The following MARS1 variants were observed in gnomAD, a reference collection of about 807,000 sequenced individuals.
The protein encoded by MARS1 is methionyl-tRNA synthetase 1.
Under a neutral mutation model 119.5 loss-of-function variants are expected in MARS1, and 80 were observed. That is an observed-to-expected ratio of 0.67 (90% CI 0.56 to 0.81). The LOEUF (loss-of-function observed/expected upper bound fraction) is 0.81. Ranked by LOEUF, MARS1 falls within the 30% of genes least tolerant of loss-of-function variation. The pLI is 0.00. For missense variants in MARS1, 945 were observed against 1,116.5 expected (o/e 0.85, Z 2.19); for synonymous variants, 418 against 433.4 (o/e 0.96, Z 0.44).
At position 57,514,863 on chromosome 12, in the gene MARS1, A is replaced by T. The variant is rs1877705124; in HGVS notation, c.2099+12A>T. ...CTTGAGAAGGTTCGGTAAGTAACTG[A>T]CACCTCTGTCTTTTCTGCTGGCATG... is the stretch of plus-strand genomic sequence containing the variant. On this transcript the variant is annotated intron_variant, in intron 16 of 20. Coordinates refer to ENST00000262027, the MANE Select transcript of MARS1 (RefSeq NM_004990.4). 1 of 1,613,408 alleles carries T rather than the reference A, an allele frequency of 6.2e-7. No homozygotes were observed. Among genetic ancestry groups the T allele is most frequent in the Admixed American group, 1.7e-5 (1 of 59,972 alleles).
At position 57,490,258 on chromosome 12, in the gene MARS1, C is replaced by A; in HGVS notation, c.542C>A (p.Pro181Gln). The A allele has an allele frequency of 6.2e-7, 1 of 1,613,820 alleles. No homozygotes were observed. Among genetic ancestry groups the A allele is most frequent in the Non-Finnish European group, 8.5e-7 (1 of 1,180,034 alleles). Residue 181 changes from proline to glutamine, a missense_variant, in exon 6 of 21, where the codon CCA becomes CAA. Physicochemically the swap from Pro to Gln is moderately conservative, Grantham distance 76. Coordinates refer to ENST00000262027, the MANE Select transcript of MARS1 (RefSeq NM_004990.4). The stretch of plus-strand genomic sequence containing the variant: ...TTCCAGACACTGAGTACCCAGGAAC[C>A]ATGTCAGCGAGCTGCAGAGACTGTA... Reference protein sequence around the residue: ...SWFQTLSTQEPCQRAAETVLK... With the variant: ...SWFQTLSTQEQCQRAAETVLK...
rs759133961 is a variant in MARS1 at position 57,512,871 on chromosome 12, G to A, written c.1874G>A (p.Arg625Gln). 2 of 1,614,208 alleles carry A rather than the reference G, an allele frequency of 1.2e-6. No individual in the cohort carries two copies. Among genetic ancestry groups the A allele is most frequent in the Non-Finnish European group, 1.7e-6 (2 of 1,180,034 alleles). The change falls in exon 15 of 21, where the codon CGG (arginine) becomes CAG (glutamine). Residue 625 changes from arginine to glutamine, a missense_variant. Arg to Gln is a conservative substitution (Grantham distance 43). Transcript: ENST00000262027. ...DIWRFYLLYIRPEGQDSAFSW... is the reference protein window; with the variant it reads ...DIWRFYLLYIQPEGQDSAFSW... ...TGGCGCTTCTATCTGCTGTACATTCGGCCTGAGGGCCAGGACAGTGCTTTC... is the reference window on the plus strand; with the variant it reads ...TGGCGCTTCTATCTGCTGTACATTCAGCCTGAGGGCCAGGACAGTGCTTTC...
intron 7 of MARS1, among the ~76,000 whole-genome samples, chr12:57,496,216 G>A (rs1477100454): frequency 6.8e-6 from 1 of 147,344 alleles, no homozygotes; most frequent in African/African-American, 2.5e-5. Context: ...CTAGGATGGA[G>A]TGAGTGGCGC....
chr12:57,495,333 C>A (rs1238223908), intron 7 of MARS1, among the ~76,000 whole-genome samples: 1 of 151,426 alleles, frequency 6.6e-6, no homozygotes, highest in African/African-American at 2.4e-5. Context: ...GGGTGGCGGT[C>A]GGGCAGAGAC....
intron 7 of MARS1, among the ~76,000 whole-genome samples, chr12:57,494,402 A>G (rs1366103513): frequency 7.4e-6 from 1 of 135,492 alleles, no homozygotes; most frequent in Non-Finnish European, 1.5e-5. Flanking sequence ...ATCTTGGCTC[A>G]CTGCAACCTC....
chr12:57,512,035 A>G lies in MARS1; in HGVS notation c.1567A>G (p.Ile523Val), dbSNP rs759198038. The G allele has an allele frequency of 1.3e-5, 21 of 1,614,072 alleles. No individual in the cohort carries two copies. The African/African-American group carries it at 2.1e-4, about 16-fold the overall frequency. Reference protein sequence around the residue: ...KVFYVWFDATIGYLSITANYT... With the variant: ...KVFYVWFDATVGYLSITANYT... ...ATTCTATGTCTGGTTTGATGCCACTATTGGCTATCTGTCCATCACAGCCAA... is the reference window on the plus strand; with the variant it reads ...ATTCTATGTCTGGTTTGATGCCACTGTTGGCTATCTGTCCATCACAGCCAA... Residue 523 changes from isoleucine to valine, a missense_variant, in exon 13 of 21, where the codon ATT becomes GTT. By Grantham distance (29) the Ile-to-Val change is conservative (BLOSUM62 3). Transcript: ENST00000262027.
intron 11 of MARS1, among the ~76,000 whole-genome samples, chr12:57,509,875 C>T (rs1054169912): frequency 6.6e-6 from 1 of 152,164 alleles, no homozygotes; most frequent in Non-Finnish European, 1.5e-5. Flanking sequence ...TAGCTCAATC[C>T]TACAATATAC....
In MARS1 at chr12:57,515,235, A is replaced by G. The variant is rs773571063; in HGVS notation, c.2290A>G (p.Ser764Gly). ...GCTTCAGCCTTACATGCCCACGGTT[A>G]GTGCCACAATCCAGGCCCAGCTGCA... is the stretch of plus-strand genomic sequence containing the variant. The part of the protein sequence containing the change: ...VMLQPYMPTV[S>G]ATIQAQLQLP... Residue 764 changes from serine (S) to glycine (G), a missense_variant, in exon 18 of 21, where the codon AGT becomes GGT. Physicochemically the swap from Ser to Gly is moderately conservative, Grantham distance 56 (BLOSUM62 0). Coordinates refer to ENST00000262027, the MANE Select transcript of MARS1 (RefSeq NM_004990.4). 17 of 1,614,000 alleles carry G rather than the reference A, an allele frequency of 1.1e-5. No homozygotes were observed. The highest frequency in any genetic ancestry group is 1.3e-5 in the Non-Finnish European group (15 of 1,180,028).
intron 7 of MARS1, among the ~76,000 whole-genome samples, chr12:57,491,713 G>T (rs1283216676): frequency 6.6e-6 from 1 of 152,124 alleles, no homozygotes; most frequent in African/African-American, 2.4e-5. Flanking sequence ...CTGACTGCAG[G>T]CTCAGTAACA....
chr12:57,493,500 A>T (rs796346236), intron 7 of MARS1, among the ~76,000 whole-genome samples: 7 of 4,574 alleles, frequency 1.5e-3, no homozygotes, highest in South Asian at 0.012. Flanking sequence ...ATATATTATA[A>T]TATATAATAT....
At chr12:57,507,156 A>G (rs1263330087) in intron 11 of MARS1, among the ~76,000 whole-genome samples, 5 of 152,056 alleles carry the variant, frequency 3.3e-5, no homozygotes, top group African/African-American at 7.3e-5. Flanking sequence ...TTCAGAGAGC[A>G]CAGGGTTGGG....
rs956845686 is a variant in MARS1, at chr12:57,490,739, T to G, written c.770+95T>G. 5.8e-6 allele frequency: 5 copies of G among 861,090 alleles called. No homozygotes were observed. The African/African-American group carries it at 8.5e-5, about 15-fold the overall frequency. 53.3% of individuals were successfully genotyped at this position (861,090 alleles called of 1,614,324 possible). On this transcript the variant is annotated intron_variant, in intron 7 of 20. Transcript: ENST00000262027. The stretch of plus-strand genomic sequence containing the variant: ...GCCTGCTAGGTCCCGTTTGCTGATC[T>G]CTCTTTAATTTTTCATCCTCTCCTT...
At position 57,489,313 on chromosome 12, in the gene MARS1, C is replaced by G; in HGVS notation, c.247C>G (p.Gln83Glu). Residue 83 changes from glutamine to glutamate, a missense_variant, in exon 3 of 21, where the codon CAG (glutamine) becomes GAG (glutamate). Coordinates refer to ENST00000262027, the MANE Select transcript of MARS1 (RefSeq NM_004990.4). ...SGWEQDDLTNQWLEWEATELQ... is the reference protein window; with the variant it reads ...SGWEQDDLTNEWLEWEATELQ... ...CTGGGAGCAAGATGACCTCACTAAC[C>G]AGTGGCTGGAATGGGAAGCGACAGA... is the stretch of plus-strand genomic sequence containing the variant. The G allele has an allele frequency of 6.2e-7, 1 of 1,613,954 alleles. No individual in the cohort carries two copies. Among genetic ancestry groups the G allele is most frequent in the Non-Finnish European group, 8.5e-7 (1 of 1,180,032 alleles).
intron 1 of MARS1, chr12:57,488,692 C>T (rs753850794): frequency 2.0e-6 from 3 of 1,525,218 alleles, no homozygotes; most frequent in Non-Finnish European, 2.7e-6. Context: ...TAATTTTGTT[C>T]TCCCACTGTG....
At chr12:57,499,197 T>G (rs998161027) in intron 9 of MARS1, among the ~76,000 whole-genome samples, 12 of 147,176 alleles carry the variant, frequency 8.2e-5, no homozygotes, top group African/African-American at 2.8e-4. Flanking sequence ...GGCAGAAGAA[T>G]CTCTTGAACC....
chr12:57,516,083 C>T, intron 19 of MARS1, 92 bp downstream of exon 19: 1 of 1,446,114 alleles, frequency 6.9e-7, no homozygotes, highest in Non-Finnish European at 9.7e-7. Flanking sequence ...TCACTCTTTC[C>T]ATCTTTTGGC....
In MARS1 at chr12:57,512,369, G is replaced by A. The variant is rs767925007; in HGVS notation, c.1753+16G>A. On this transcript the variant is annotated intron_variant, in intron 14 of 20. Transcript: ENST00000262027. ...ATTGCTACAGGTAAGTACCCTGGAA[G>A]ACTACTGATGGGGTGTTCATAGGAA... 24 of 1,555,640 alleles carry A rather than the reference G, an allele frequency of 1.5e-5. No homozygotes were observed. Among genetic ancestry groups the A allele is most frequent in the Non-Finnish European group, 2.0e-5 (22 of 1,127,016 alleles).
Position 57,511,855 on chromosome 12 carries a change from GT to G in MARS1, c.1530del (p.Phe510LeufsTer53), listed in dbSNP as rs1877536895. On this transcript the variant is annotated frameshift_variant, in exon 12 of 21. Transcript: ENST00000262027. LOFTEE classifies it high-confidence loss of function. ...LKWGTPVPLEGFEDKVFYVWF... is the reference protein window; with the variant it reads ...LKWGTPVPLEXFEDKVFYVWF... ...TGGGGAACCCCTGTACCCTTAGAAG[GT>G]TTTGAAGACAAGGTAAAAACCCTTT... 2.5e-6 allele frequency: 4 copies of G among 1,613,930 alleles called. No individual in the cohort carries two copies. Among genetic ancestry groups the G allele is most frequent in the Non-Finnish European group, 3.4e-6 (4 of 1,179,966 alleles).
In MARS1 at chr12:57,512,747, C is replaced by A. The variant is rs377361080; in HGVS notation, c.1754-4C>A. 5.0e-5 allele frequency: 81 copies of A among 1,612,068 alleles called. No homozygotes were observed. In the African/African-American group the frequency reaches 1.0e-3, roughly 21 times the overall value. ...ATGGTTCTCACTCATTCTCCTCTGTCCAGAGTACCTGAACTATGAGGATGG... is the reference window on the plus strand; with the variant it reads ...ATGGTTCTCACTCATTCTCCTCTGTACAGAGTACCTGAACTATGAGGATGG... On this transcript the variant is annotated splice_region_variant and splice_polypyrimidine_tract_variant and intron_variant, in intron 14 of 20. Coordinates refer to ENST00000262027, the MANE Select transcript of MARS1 (RefSeq NM_004990.4).
Sources: gnomAD v4.1 joint callset for allele counts (sites outside exome capture counted in the v4.1 genomes callset) on GRCh38, gnomAD v4.1.1 for gene constraint, MANE v1.5 for transcripts, NCBI Gene and HGNC (gene_info 2026-07-23, HGNC 2026-07-21) for gene names.